SOS1: variants seen among roughly 807,000 people sequenced by gnomAD.
SOS1 encodes the protein SOS Ras/Rac guanine nucleotide exchange factor 1.
A neutral mutation model predicts 157.6 loss-of-function variants in SOS1; 25 were observed. That is an observed-to-expected ratio of 0.16 (90% CI 0.12 to 0.22). The LOEUF (loss-of-function observed/expected upper bound fraction) is 0.22. SOS1 is among the 10% of genes least tolerant of loss of function. The pLI is 1.00. For synonymous variants in SOS1, 528 were observed against 534.0 expected, an observed-to-expected ratio of 0.99 and a Z score of 0.16; for missense variants, 1,237 against 1,599.1, an observed-to-expected ratio of 0.77 and a Z score of 3.86.
chr2:39,024,433 G>A (rs531745748), intron 8 of SOS1, among the ~76,000 whole-genome samples: 20 of 151,712 alleles, frequency 1.3e-4, no homozygotes, highest in Non-Finnish European at 2.6e-4. Context: ...GAGCATAATC[G>A]ATCTACTGAA....
intron 15 of SOS1, among the ~76,000 whole-genome samples, chr2:39,010,315 CAAAAAAA>C (rs113164980): frequency 3.3e-5 from 3 of 91,630 alleles, no homozygotes; most frequent in African/African-American, 4.1e-5. Flanking sequence ...GACTCTGTCT[CAAAAAAA>C]AAAAAAAAGA....
chr2:39,108,971 G>A (rs760501629), intron 1 of SOS1, among the ~76,000 whole-genome samples: 100 of 152,122 alleles, frequency 6.6e-4, no homozygotes, highest in Non-Finnish European at 1.3e-3. Flanking sequence ...GACTGACGCA[G>A]GTGAACTGCT....
At chr2:39,106,442 T>C (rs1479457532) in intron 1 of SOS1, among the ~76,000 whole-genome samples, 1 of 150,684 alleles carries the variant, frequency 6.6e-6, no homozygotes, top group Non-Finnish European at 1.5e-5. Context: ...TACAAAAAAA[T>C]TAGCCGGGCG....
At chr2:39,054,531 T>C (rs1308688583) in intron 5 of SOS1, 83 bp downstream of exon 5, 1 of 790,204 alleles carries the variant, frequency 1.3e-6, no homozygotes, top group Non-Finnish European at 2.2e-6. Flanking sequence ...TTAGTAATGA[T>C]GAACTGTACA....
chr2:39,010,321 AAAAAAAAAAG>A (rs1317835718), intron 15 of SOS1, among the ~76,000 whole-genome samples: 4 of 151,660 alleles, frequency 2.6e-5, no homozygotes, highest in African/African-American at 9.7e-5. Flanking sequence ...GTCTCAAAAA[AAAAAAAAAAG>A]AAAAAGAAAG....
At chr2:39,096,266 T>C (rs949674715) in intron 1 of SOS1, among the ~76,000 whole-genome samples, 1 of 152,154 alleles carries the variant, frequency 6.6e-6, no homozygotes, top group African/African-American at 2.4e-5. Flanking sequence ...CCCTCTAAAC[T>C]TTCTAATAGG....
chr2:39,107,869 TTA>T (rs1227360602), intron 1 of SOS1, among the ~76,000 whole-genome samples: 1 of 152,094 alleles, frequency 6.6e-6, no homozygotes, highest in Non-Finnish European at 1.5e-5. Context: ...GAAATGTACT[TTA>T]GAGCCATCCT....
intron 4 of SOS1, among the ~76,000 whole-genome samples, chr2:39,055,546 TAAA>T (rs760954967): frequency 9.2e-5 from 14 of 152,184 alleles, no homozygotes; most frequent in Non-Finnish European, 1.9e-4. Flanking sequence ...TGTCTTCAGT[TAAA>T]AATACCCAAA....
At chr2:39,078,810 C>A (rs1672105538) in intron 1 of SOS1, among the ~76,000 whole-genome samples, 1 of 152,026 alleles carries the variant, frequency 6.6e-6, no homozygotes, top group African/African-American at 2.4e-5. Context: ...GCCTGTAATC[C>A]CAGCACTTTG....
chr2:39,008,361 C>T (rs1448301899), intron 15 of SOS1, among the ~76,000 whole-genome samples: 4 of 152,174 alleles, frequency 2.6e-5, no homozygotes, highest in Non-Finnish European at 4.4e-5. Flanking sequence ...AGAAGTGTCA[C>T]TCAGAGAAAA....
intron 1 of SOS1, among the ~76,000 whole-genome samples, chr2:39,087,385 T>C (rs1672417988): frequency 6.6e-6 from 1 of 152,236 alleles, no homozygotes; most frequent in Non-Finnish European, 1.5e-5. Flanking sequence ...GTTTACATAA[T>C]AAAGTGGTCT....
chr2:39,071,899 G>T (rs1671807069), intron 1 of SOS1, among the ~76,000 whole-genome samples: 1 of 144,168 alleles, frequency 6.9e-6, no homozygotes, highest in African/African-American at 2.6e-5. Context: ...TTTTTTATCT[G>T]CCTATTTGGC....
chr2:39,022,449 A>G, intron 10 of SOS1, 121 bp downstream of exon 10: 1 of 751,242 alleles, frequency 1.3e-6, no homozygotes, highest in Admixed American at 2.3e-5. Flanking sequence ...ATTTTTAGTC[A>G]AAGAAAAGAG....
At chr2:39,071,492 C>G (rs1308884184) in intron 1 of SOS1, among the ~76,000 whole-genome samples, 1 of 152,078 alleles carries the variant, frequency 6.6e-6, no homozygotes, top group East Asian at 1.9e-4. Flanking sequence ...ATTGGTTACA[C>G]AAAGGATCCC....
intron 1 of SOS1, among the ~76,000 whole-genome samples, chr2:39,118,467 T>C (rs1217400653): frequency 6.6e-6 from 1 of 152,242 alleles, no homozygotes; most frequent in Non-Finnish European, 1.5e-5. Context: ...AAATAAGAAT[T>C]GGAAGAACCT....
intron 1 of SOS1, among the ~76,000 whole-genome samples, chr2:39,118,881 C>G (rs1673759573): frequency 6.6e-6 from 1 of 152,230 alleles, no homozygotes; most frequent in South Asian, 2.1e-4. Flanking sequence ...CTGTCAACTC[C>G]TACAATATTC....
intron 1 of SOS1, among the ~76,000 whole-genome samples, chr2:39,109,861 T>A (rs891986011): frequency 6.6e-6 from 1 of 152,096 alleles, no homozygotes; most frequent in African/African-American, 2.4e-5. Context: ...CAATGAAAGA[T>A]TAACATTCAA....
upstream of SOS1, among the ~76,000 whole-genome samples, chr2:39,122,067 G>A (rs576981110): frequency 1.3e-5 from 2 of 152,232 alleles, no homozygotes. Flanking sequence ...GAAAGGTTCA[G>A]TGGTTCTTAA....
intron 1 of SOS1, 84 bp from the exon 2 acceptor site, chr2:39,067,837 G>T: frequency 8.1e-7 from 1 of 1,240,232 alleles, no homozygotes; most frequent in Non-Finnish European, 1.2e-6. Flanking sequence ...GTGGGTTTGT[G>T]GCCGGGCACG....
Sources: allele counts gnomAD v4.1 joint callset (sites outside exome capture counted in the v4.1 genomes callset), GRCh38; gene constraint gnomAD v4.1.1; transcripts MANE v1.5; gene names NCBI Gene and HGNC (gene_info 2026-07-23, HGNC 2026-07-21).